XRRA1: variants seen among roughly 807,000 people sequenced by gnomAD.
XRRA1 encodes the protein X-ray radiation resistance-associated protein 1.
A neutral mutation model predicts 80.2 loss-of-function variants in XRRA1; 69 were observed. The observed-to-expected ratio is 0.86, with a 90% confidence interval of 0.71 to 1.05. The LOEUF is 1.05. Ranked by LOEUF, XRRA1 falls within the 50% of genes least tolerant of loss-of-function variation. XRRA1 has a pLI of 0.00. For missense variants in XRRA1, 967 were observed against 976.4 expected (o/e 0.99, Z 0.13); for synonymous variants, 348 against 389.9 (o/e 0.89, Z 1.27).
In XRRA1 at chr11:74,843,119, T is replaced by G; in HGVS notation, c.*81A>C. The stretch of plus-strand genomic sequence containing the variant: ...AGGCCTGTGGCCGGCTGGTCAACCT[T>G]GAGGTGCGGTCCAGGGCACAGAGCC... On this transcript the variant is annotated 3_prime_UTR_variant, in exon 19 of 19. Transcript: ENST00000684022. 6.8e-7 allele frequency: 1 copy of G among 1,466,190 alleles called. No individual in the cohort carries two copies. The highest frequency in any genetic ancestry group is 9.1e-7 in the Non-Finnish European group (1 of 1,104,788). The allele number at this position is 1,466,190 out of a possible 1,614,324, so 90.8% of individuals were successfully genotyped here.
chr11:74,906,345 A>G lies in XRRA1; in HGVS notation c.897T>C (p.His299=), dbSNP rs2054589045. 1.2e-6 allele frequency: 2 copies of G among 1,613,872 alleles called. No homozygotes were observed. The highest frequency in any genetic ancestry group is 1.3e-5 in the African/African-American group (1 of 74,930). Residue 299 remains histidine, a synonymous_variant, in exon 10 of 19, where the codon CAT becomes CAC. Coordinates refer to ENST00000684022, the MANE Select transcript of XRRA1 (RefSeq NM_001378157.1). The part of the protein sequence containing the change: ...VDWNGGRGSP[H]KEPQFMLQSK... Reference sequence around the variant, plus strand: ...ACTGCAGCATGAATTGGGGCTCTTTATGGGGACTTCCCCTGCCTCCATTCC... The same window carrying G: ...ACTGCAGCATGAATTGGGGCTCTTTGTGGGGACTTCCCCTGCCTCCATTCC...
intron 7 of XRRA1, among the ~76,000 whole-genome samples, chr11:74,926,371 TG>T (rs1942235899): frequency 6.6e-6 from 1 of 152,242 alleles, no homozygotes; most frequent in Admixed American, 6.5e-5. Flanking sequence ...TTGTGAAGAA[TG>T]GCTGACCCTT....
chr11:74,852,286 CT>C (rs2040062208), intron 12 of XRRA1, among the ~76,000 whole-genome samples: 1 of 152,166 alleles, frequency 6.6e-6, no homozygotes, highest in Non-Finnish European at 1.5e-5. Context: ...TACCTTGCCC[CT>C]CCTGTCTGAA....
chr11:74,949,052 T>C lies in XRRA1; in HGVS notation c.-197A>G, dbSNP rs1948241214. On this transcript the variant is annotated 5_prime_UTR_variant, in exon 1 of 19. Coordinates refer to ENST00000684022, the MANE Select transcript of XRRA1 (RefSeq NM_001378157.1). ...CTCCACTGCGGTGCCTGCCGCTATC[T>C]TCCCCACGCCTTAGTAACTGCGACG... 2 of 416,316 alleles carry C rather than the reference T, an allele frequency of 4.8e-6. No homozygotes were observed. Among genetic ancestry groups the C allele is most frequent in the Non-Finnish European group, 8.7e-6 (2 of 229,550 alleles). The allele number at this position is 416,316 out of a possible 1,614,324, so 25.8% of individuals were successfully genotyped here.
At chr11:74,880,042 A>G (rs1460963818) in intron 10 of XRRA1, among the ~76,000 whole-genome samples, 2 of 152,008 alleles carry the variant, frequency 1.3e-5, no homozygotes, top group African/African-American at 2.4e-5. Context: ...AAGGAATGGT[A>G]CTAGTTCCTC....
chr11:74,924,294 T>C (rs951329562), intron 7 of XRRA1, among the ~76,000 whole-genome samples: 5 of 148,054 alleles, frequency 3.4e-5, no homozygotes, highest in Non-Finnish European at 7.4e-5. Context: ...GCTAACACGG[T>C]GAAACCCCGT....
intron 10 of XRRA1, among the ~76,000 whole-genome samples, chr11:74,900,512 G>A (rs183572047): frequency 2.5e-4 from 38 of 152,284 alleles, no homozygotes; most frequent in African/African-American, 9.1e-4. Context: ...AACCTGGGAG[G>A]TGGAGGCTGC....
At chr11:74,845,596 G>A (rs940041968) in intron 15 of XRRA1, among the ~76,000 whole-genome samples, 1 of 152,194 alleles carries the variant, frequency 6.6e-6, no homozygotes, top group Non-Finnish European at 1.5e-5. Context: ...TGGACTGCAA[G>A]TGATGAGAAA....
intron 12 of XRRA1, among the ~76,000 whole-genome samples, chr11:74,855,263 T>G (rs999906069): frequency 1.3e-5 from 2 of 151,956 alleles, no homozygotes; most frequent in Non-Finnish European, 1.5e-5. Flanking sequence ...GTGTAGAGTC[T>G]TGTGTGTGCA....
Position 74,936,909 on chromosome 11 carries a change from C to T in XRRA1, c.254G>A (p.Gly85Glu). The T allele has an allele frequency of 2.5e-6, 4 of 1,613,598 alleles. No individual in the cohort carries two copies. Among genetic ancestry groups the T allele is most frequent in the Non-Finnish European group, 2.5e-6 (3 of 1,179,770 alleles). The change falls in exon 4 of 19, where the codon GGA (glycine) becomes GAA (glutamate). Residue 85 changes from glycine to glutamate, a missense_variant. Transcript: ENST00000684022. ...SRRENQVDLP[G>E]HILDQAFLLK... ...CAGAAAAGCCTGGTCCAGGATATGT[C>T]CAGGAAGGTCCACCTGATTTTCCCG...
At chr11:74,887,535 G>A (rs1035920775) in intron 10 of XRRA1, among the ~76,000 whole-genome samples, 3 of 152,200 alleles carry the variant, frequency 2.0e-5, no homozygotes, top group African/African-American at 4.8e-5. Context: ...TCCAACTGAG[G>A]TACGGGGTTC....
intron 12 of XRRA1, among the ~76,000 whole-genome samples, chr11:74,854,478 C>T (rs1048729207): frequency 6.6e-6 from 1 of 152,192 alleles, no homozygotes; most frequent in Non-Finnish European, 1.5e-5. Flanking sequence ...TATTGTTGTA[C>T]AAAATCAGCC....
intron 10 of XRRA1, chr11:74,876,186 C>CT (rs1249370650): frequency 6.6e-6 from 1 of 152,192 alleles, no homozygotes; most frequent in African/African-American, 2.4e-5. Flanking sequence ...CACAAAGGCA[C>CT]TAGGCATACA....
Position 74,843,925 on chromosome 11 carries a change from G to A in XRRA1, c.2078C>T (p.Thr693Ile), listed in dbSNP as rs1555008296. Residue 693 changes from threonine to isoleucine, a missense_variant, in exon 18 of 19, where the codon ACT becomes ATT. Coordinates refer to ENST00000684022, the MANE Select transcript of XRRA1 (RefSeq NM_001378157.1). ...QRIPIPPPKK[T>I]RAQLLDDIFI... is the part of the protein sequence containing the mutation. ...GATGTCATCCAGAAGTTGGGCTCTAGTCTTCTTTGGGGGTGGAATCGGGAT... is the reference window on the plus strand; with the variant it reads ...GATGTCATCCAGAAGTTGGGCTCTAATCTTCTTTGGGGGTGGAATCGGGAT... 6.2e-7 allele frequency: 1 copy of A among 1,613,754 alleles called. No homozygotes were observed. Among genetic ancestry groups the A allele is most frequent in the South Asian group, 1.1e-5 (1 of 90,982 alleles).
At chr11:74,852,634 T>C (rs1591580303) in intron 12 of XRRA1, among the ~76,000 whole-genome samples, 1 of 152,064 alleles carries the variant, frequency 6.6e-6, no homozygotes, top group East Asian at 1.9e-4. Context: ...GTAGAGCCAG[T>C]GTTAAGAGAG....
At chr11:74,876,742 TGAA>T (rs1426862674) in intron 10 of XRRA1, 2 of 152,226 alleles carry the variant, frequency 1.3e-5, no homozygotes, top group African/African-American at 2.4e-5. Flanking sequence ...GATATCCATG[TGAA>T]GAAATAGGAG....
chr11:74,892,989 T>A (rs1297497340), intron 10 of XRRA1, among the ~76,000 whole-genome samples: 1 of 152,112 alleles, frequency 6.6e-6, no homozygotes, highest in Non-Finnish European at 1.5e-5. Context: ...GTTGTGGAAG[T>A]CAGTGTGGCA....
intron 8 of XRRA1, among the ~76,000 whole-genome samples, chr11:74,911,646 G>A (rs1342935243): frequency 1.3e-5 from 2 of 152,132 alleles, no homozygotes; most frequent in African/African-American, 2.4e-5. Flanking sequence ...GGCCTAAAAC[G>A]ATCTTCCCAC....
At chr11:74,933,160 G>C (rs1388396134) in intron 5 of XRRA1, 1 of 152,182 alleles carries the variant, frequency 6.6e-6, no homozygotes, top group African/African-American at 2.4e-5. Flanking sequence ...AATATCTCTT[G>C]TAGGGTCTTG....
Sources: gnomAD v4.1 joint callset for allele counts (sites outside exome capture counted in the v4.1 genomes callset) on GRCh38, gnomAD v4.1.1 for gene constraint, MANE v1.5 for transcripts, NCBI Gene and HGNC (gene_info 2026-07-23, HGNC 2026-07-21) for gene names.